ZNF487: variants seen among roughly 807,000 people sequenced by gnomAD.
ZNF487 encodes the protein zinc finger protein 487.
ZNF487 carries 4 observed loss-of-function variants against 3.0 expected under a neutral mutation model. The ratio of observed to expected loss-of-function variants is 1.35; its 90% confidence interval spans 0.66 to 3.08. ZNF487 has a LOEUF of 3.08. ZNF487 is among the 30% of genes most tolerant of loss of function. The pLI is 0.01. For missense variants in ZNF487, 146 were observed against 98.7 expected (o/e 1.48, Z -2.03); for synonymous variants, 55 against 34.6 (o/e 1.59, Z -2.06).
chr10:43,504,293 C>CTTTTTTTTTTTTTTTTTTTTT, the ZNF487 span, among the ~76,000 whole-genome samples: 2 of 108,984 alleles, frequency 1.8e-5, no homozygotes, highest in Non-Finnish European at 3.5e-5. Context: ...TTCTTTCTTT[C>CTTTTTTTTTTTTTTTTTTTTT]TTTTTTTTTT....
At chr10:43,480,043 C>A (rs201369380) in intron 3 of ZNF487, among the ~76,000 whole-genome samples, 2 of 48,694 alleles carry the variant, frequency 4.1e-5, no homozygotes, top group Admixed American at 2.5e-4. Flanking sequence ...TTCTTTCTTT[C>A]TTTTTCTTTC....
the ZNF487 span, among the ~76,000 whole-genome samples, chr10:43,503,746 C>T: frequency 6.6e-6 from 1 of 152,094 alleles, no homozygotes; most frequent in South Asian, 2.1e-4. Context: ...GCTGGGACTA[C>T]AAGGCATGCA....
chr10:43,467,603 G>T (rs936577754), intron 1 of ZNF487, among the ~76,000 whole-genome samples: 2 of 151,934 alleles, frequency 1.3e-5, no homozygotes, highest in Non-Finnish European at 2.9e-5. Context: ...GATCACCTCA[G>T]GTCAGGAGTT....
intron 1 of ZNF487, among the ~76,000 whole-genome samples, chr10:43,446,409 C>T (rs185567671): frequency 0.028 from 4,205 of 150,012 alleles, 90 homozygotes; most frequent in South Asian, 0.041. Flanking sequence ...ACGGGGCGGC[C>T]GGGCAGAGGC....
At chr10:43,484,665 A>C (rs1319006607), downstream of ZNF487, among the ~76,000 whole-genome samples, 1 of 152,198 alleles carries the variant, frequency 6.6e-6, no homozygotes, top group Non-Finnish European at 1.5e-5. Context: ...GTCTTATCAA[A>C]AGATTGTGAA....
chr10:43,467,414 A>T (rs1016519192), intron 1 of ZNF487, among the ~76,000 whole-genome samples: 2 of 151,514 alleles, frequency 1.3e-5, no homozygotes, highest in African/African-American at 4.8e-5. Context: ...CATATTGGCC[A>T]GGCTGGTCTC....
chr10:43,505,526 G>C, the ZNF487 span, among the ~76,000 whole-genome samples: 2 of 151,896 alleles, frequency 1.3e-5, no homozygotes, highest in African/African-American at 4.8e-5. Flanking sequence ...CTTGTGATCT[G>C]CCCGCTTTGG....
intron 1 of ZNF487, among the ~76,000 whole-genome samples, chr10:43,448,678 G>A (rs1564413973): frequency 6.6e-6 from 1 of 151,916 alleles, no homozygotes. Context: ...TTAGCTGGGC[G>A]CGGTGGCGCA....
At chr10:43,489,642 C>G in the ZNF487 span, among the ~76,000 whole-genome samples, 5 of 152,166 alleles carry the variant, frequency 3.3e-5, no homozygotes, top group African/African-American at 1.2e-4. Context: ...GCGTGAGCCA[C>G]CACACCTGGC....
intron 1 of ZNF487, among the ~76,000 whole-genome samples, chr10:43,455,992 G>A (rs1016132476): frequency 1.3e-5 from 2 of 152,230 alleles, no homozygotes; most frequent in African/African-American, 4.8e-5. Context: ...GTCCAGCGTT[G>A]CATGGTTACA....
chr10:43,515,689 C>T, the ZNF487 span, among the ~76,000 whole-genome samples: 3 of 152,208 alleles, frequency 2.0e-5, no homozygotes, highest in African/African-American at 7.2e-5. Context: ...CGCTCTTTCT[C>T]TACAGGAGAT....
the ZNF487 span, chr10:43,496,069 G>T: frequency 1.9e-6 from 1 of 534,482 alleles, no homozygotes; most frequent in South Asian, 1.4e-5. Context: ...AGGAGTGGTA[G>T]CATCTGGGCC....
intron 1 of ZNF487, among the ~76,000 whole-genome samples, chr10:43,473,661 G>T (rs1840986555): frequency 6.6e-6 from 1 of 151,896 alleles, no homozygotes; most frequent in Non-Finnish European, 1.5e-5. Context: ...TGGGATTACA[G>T]GCCCCCTTTT....
chr10:43,493,187 T>C, the ZNF487 span, among the ~76,000 whole-genome samples: 135,208 of 152,210 alleles, frequency 0.89, 60,086 homozygotes, highest in East Asian at 1. Context: ...CTGAGATTGC[T>C]CCATTGCACT....
intron 3 of ZNF487, 26 bp from the exon 4 acceptor site, chr10:43,481,403 C>A: frequency 1.5e-6 from 1 of 672,992 alleles, no homozygotes; most frequent in Non-Finnish European, 2.7e-6. Flanking sequence ...CATTTATAAT[C>A]TGTGATAACT....
At chr10:43,501,606 G>A in the ZNF487 span, among the ~76,000 whole-genome samples, 1 of 81,600 alleles carries the variant, frequency 1.2e-5, no homozygotes, top group Non-Finnish European at 3.6e-5. Flanking sequence ...TGAGCATAGT[G>A]GCATGCGCCT....
At chr10:43,442,528 C>T (rs1839653076) in intron 1 of ZNF487, among the ~76,000 whole-genome samples, 1 of 152,142 alleles carries the variant, frequency 6.6e-6, no homozygotes, top group Admixed American at 6.6e-5. Context: ...ACTGCAACCT[C>T]CACCCTCCGG....
the ZNF487 span, among the ~76,000 whole-genome samples, chr10:43,501,017 T>C: frequency 2.6e-5 from 4 of 152,318 alleles, no homozygotes; most frequent in East Asian, 5.8e-4. Flanking sequence ...GCAAACATCA[T>C]AGAGTGTGTA....
At chr10:43,460,387 T>C (rs1840387814) in intron 1 of ZNF487, among the ~76,000 whole-genome samples, 1 of 147,806 alleles carries the variant, frequency 6.8e-6, no homozygotes, top group African/African-American at 2.5e-5. Context: ...TTTCTTTTTT[T>C]TTTTTTTTTT....
Sources: gnomAD v4.1 joint callset for allele counts (sites outside exome capture counted in the v4.1 genomes callset) on GRCh38, gnomAD v4.1.1 for gene constraint, MANE v1.5 for transcripts, NCBI Gene and HGNC (gene_info 2026-07-23, HGNC 2026-07-21) for gene names.